PCDHGA4: variants seen among roughly 807,000 people sequenced by gnomAD.
The protein encoded by PCDHGA4 is protocadherin gamma-A4.
PCDHGA4 carries 38 observed loss-of-function variants against 54.6 expected under a neutral mutation model. The ratio of observed to expected loss-of-function variants is 0.70; its 90% CI spans 0.54 to 0.91. The LOEUF is 0.91. Ranked by LOEUF, PCDHGA4 falls within the 40% of genes least tolerant of loss-of-function variation. The probability of loss-of-function intolerance (pLI) is 0.00; values close to 1 mark genes in which losing one functional copy is unlikely to be tolerated. For synonymous variants in PCDHGA4, 511 were observed against 512.9 expected (o/e 1.00, Z 0.05); for missense variants, 1,298 against 1,220.9 (o/e 1.06, Z -0.94).
intron 1 of PCDHGA4, among the ~76,000 whole-genome samples, chr5:141,401,846 A>G (rs1168982151): frequency 6.6e-6 from 1 of 152,216 alleles, no homozygotes; most frequent in Non-Finnish European, 1.5e-5. Context: ...AATACCACTT[A>G]CTTTTAACCT....
chr5:141,355,416 G>A lies in PCDHGA4; in HGVS notation c.309G>A (p.Thr103=). Residue 103 remains threonine, a synonymous_variant, in exon 1 of 4, where the codon ACG becomes ACA. Coordinates refer to ENST00000571252, the MANE Select transcript of PCDHGA4 (RefSeq NM_018917.4). ...RGVRIVSRGR[T]QLFALNPRSG... is the part of the protein sequence containing the mutation. ...TCCGCATCGTCTCCAGAGGTAGGAC[G>A]CAGCTTTTCGCCCTGAACCCGCGCA... The A allele has an allele frequency of 6.2e-7, 1 of 1,614,086 alleles. No individual in the cohort carries two copies. The highest frequency in any genetic ancestry group is 8.5e-7 in the Non-Finnish European group (1 of 1,179,938).
At chr5:141,360,896 A>T in intron 1 of PCDHGA4, 2 of 1,614,014 alleles carry the variant, frequency 1.2e-6, no homozygotes, top group Non-Finnish European at 1.7e-6. Context: ...CTGAGGGAGG[A>T]CGTGCCGCCG....
chr5:141,426,307 A>G (rs958090236), intron 1 of PCDHGA4: 2 of 172,782 alleles, frequency 1.2e-5, no homozygotes, highest in African/African-American at 4.7e-5. Context: ...GGTGAAGCAG[A>G]GAAGCAGGAC....
In PCDHGA4 at chr5:141,477,143, G is replaced by T; in HGVS notation, c.2515-17664G>T. On this transcript the variant is annotated intron_variant, in intron 1 of 3. Transcript: ENST00000571252. The surrounding 1 kb of genome is among the most constrained non-coding windows in gnomAD (Gnocchi z 4.9). The stretch of plus-strand genomic sequence containing the variant: ...ACATTGCAAAGTGTTGGTGGAGGTT[G>T]TGGATGTGAATGACAACGCCCCGGA... The T allele has an allele frequency of 6.2e-7, 1 of 1,614,198 alleles. No homozygotes were observed. The highest frequency in any genetic ancestry group is 8.5e-7 in the Non-Finnish European group (1 of 1,180,036).
In PCDHGA4 at chr5:141,414,189, G is replaced by C. The variant is rs1674006167; in HGVS notation, c.2514+56568G>C. ...CATATCTTGCAACTGCAAAAGTGTT[G>C]ATTACAGTAGAAGATGTAAATGACA... On this transcript the variant is annotated intron_variant, in intron 1 of 3. Transcript: ENST00000571252. 3.1e-6 allele frequency: 5 copies of C among 1,609,966 alleles called. No homozygotes were observed. The highest frequency in any genetic ancestry group is 3.4e-6 in the Non-Finnish European group (4 of 1,177,924).
chr5:141,433,555 G>C (rs1434189062), intron 1 of PCDHGA4, among the ~76,000 whole-genome samples: 1 of 152,088 alleles, frequency 6.6e-6, no homozygotes, highest in African/African-American at 2.4e-5. Flanking sequence ...TTCTTTTCTG[G>C]CTGGGCGCGG....
chr5:141,400,058 ATGG>A (rs2093953327), intron 1 of PCDHGA4: 1 of 1,613,570 alleles, frequency 6.2e-7, no homozygotes, highest in Admixed American at 1.7e-5. Flanking sequence ...GCTGTGCGTG[ATGG>A]TGGACAGCCG....
intron 1 of PCDHGA4, chr5:141,372,861 T>C (rs1283954034): frequency 7.0e-7 from 1 of 1,420,218 alleles, no homozygotes; most frequent in South Asian, 1.4e-5. Context: ...TTTCAATTCA[T>C]TGATTTAGAG....
At chr5:141,422,379 C>G (rs2096644662) in intron 1 of PCDHGA4, 1 of 1,576,826 alleles carries the variant, frequency 6.3e-7, no homozygotes, top group East Asian at 2.2e-5. Flanking sequence ...GTCAAGTCTC[C>G]TGTTTTATTC....
intron 2 of PCDHGA4, among the ~76,000 whole-genome samples, chr5:141,498,872 G>T (rs912789877): frequency 1.4e-4 from 21 of 151,650 alleles, no homozygotes; most frequent in Non-Finnish European, 2.9e-4. Flanking sequence ...GGCGGAGGTT[G>T]CAGTGAGCTG....
At chr5:141,365,374 CCTCACCTCTCT>C in intron 1 of PCDHGA4, 1 of 1,613,808 alleles carries the variant, frequency 6.2e-7, no homozygotes, top group African/African-American at 1.3e-5. Context: ...CCGAAGTGAT[CCTCACCTCTCT>C]GACCAGTTCG....
At position 141,490,460 on chromosome 5, in the gene PCDHGA4, TA is replaced by T. The variant is rs1393913480; in HGVS notation, c.2515-4345del. 1.2e-6 allele frequency: 2 copies of T among 1,614,094 alleles called. No individual in the cohort carries two copies. The highest frequency in any genetic ancestry group is 1.7e-6 in the Non-Finnish European group (2 of 1,180,048). On this transcript the variant is annotated intron_variant, in intron 1 of 3. Coordinates refer to ENST00000571252, the MANE Select transcript of PCDHGA4 (RefSeq NM_018917.4). The surrounding 1 kb of genome is among the most constrained non-coding windows in gnomAD (Gnocchi z 5.4). ...CCTTCTGAGAACCACTACTCGCTGC[TA>T]ACCAGCCAGCCTTTGGACCGGGAGG... is the stretch of plus-strand genomic sequence containing the variant.
At chr5:141,404,396 A>C (rs2094523935) in intron 1 of PCDHGA4, 2 of 1,613,816 alleles carry the variant, frequency 1.2e-6, no homozygotes, top group Non-Finnish European at 1.7e-6. Context: ...CCCTGATAGC[A>C]ATGAGAATTC....
intron 1 of PCDHGA4, chr5:141,375,539 C>G (rs1771564723): frequency 1.2e-6 from 2 of 1,613,986 alleles, no homozygotes; most frequent in Non-Finnish European, 1.7e-6. Context: ...CCAGAACGCC[C>G]AAGTCTCCTA....
chr5:141,382,941 C>T (rs750185010), intron 1 of PCDHGA4: 2 of 1,594,792 alleles, frequency 1.3e-6, no homozygotes, highest in Non-Finnish European at 1.7e-6. Context: ...GAGGATTCTT[C>T]CTGCTCTCCA....
Position 141,356,305 on chromosome 5 carries a change from T to G in PCDHGA4, c.1198T>G (p.Phe400Val). 6.4e-7 allele frequency: 1 copy of G among 1,554,530 alleles called. No homozygotes were observed. Among genetic ancestry groups the G allele is most frequent in the Non-Finnish European group, 8.7e-7 (1 of 1,148,412 alleles). Residue 400 changes from phenylalanine to valine, a missense_variant, in exon 1 of 4, where the codon TTC becomes GTC. Coordinates refer to ENST00000571252, the MANE Select transcript of PCDHGA4 (RefSeq NM_018917.4). ...TTCCCCGGGTACAGTAATTGCACTTTTCAACGTGCATGACAGTGACTCAGG... is the reference window on the plus strand; with the variant it reads ...TTCCCCGGGTACAGTAATTGCACTTGTCAACGTGCATGACAGTGACTCAGG... ...SSSPGTVIAL[F>V]NVHDSDSGGN...
chr5:141,366,333 T>A lies in PCDHGA4; in HGVS notation c.2514+8712T>A, dbSNP rs190728090. ...GTCACCGTTGCCGTGGCCGACAGGA[T>A]CCCTGACATCCTGGCTGACCTAGGC... On this transcript the variant is annotated intron_variant, in intron 1 of 3. Transcript: ENST00000571252. 44 of 1,613,876 alleles carry A rather than the reference T, an allele frequency of 2.7e-5. No homozygotes were observed. The East Asian group carries it at 9.6e-4, about 35-fold the overall frequency.
chr5:141,382,729 A>G, intron 1 of PCDHGA4: 1 of 548,650 alleles, frequency 1.8e-6, no homozygotes, highest in Non-Finnish European at 3.1e-6. Flanking sequence ...GTTTTACAGC[A>G]CAGAGAAACG....
At chr5:141,376,483 G>T (rs139873493) in intron 1 of PCDHGA4, 17,785 of 1,614,172 alleles carry the variant, frequency 0.011, 127 homozygotes, top group Non-Finnish European at 0.012. Context: ...TACTTGAAAC[G>T]AAAGGAGAAC....
Sources: gnomAD v4.1 joint callset for allele counts (sites outside exome capture counted in the v4.1 genomes callset) on GRCh38, gnomAD v4.1.1 for gene constraint, Gnocchi (gnomAD v3.1) non-coding constraint, MANE v1.5 for transcripts, NCBI Gene and HGNC (gene_info 2026-07-23, HGNC 2026-07-21) for gene names.